Variants in COX17 observed in about 807,000 individuals in gnomAD.
COX17 encodes the protein cytochrome c oxidase copper chaperone.
COX17 carries 1 observed loss-of-function variant against 6.3 expected under a neutral mutation model. The ratio of observed to expected loss-of-function variants is 0.16; its 90% confidence interval spans 0.06 to 0.75. COX17 has a LOEUF of 0.75. Among genes scored for constraint, COX17 ranks in the 30% least tolerant of loss-of-function variants. The pLI is 0.77. For synonymous variants in COX17, 26 were observed against 30.5 expected (o/e 0.85, Z 0.49); for missense variants, 73 against 81.2 (o/e 0.90, Z 0.39).
chr3:119,674,795 CA>C (rs58394788), intron 2 of COX17: 61,754 of 134,154 alleles, frequency 0.46, 11,650 homozygotes, highest in Non-Finnish European at 0.49. Context: ...GACCCTGTCT[CA>C]AAAAAAAAAA....
intron 2 of COX17, among the ~76,000 whole-genome samples, chr3:119,672,340 A>G (rs1167179771): frequency 6.6e-6 from 1 of 152,248 alleles, no homozygotes; most frequent in Non-Finnish European, 1.5e-5. Context: ...CTGATAACAT[A>G]AAGAAAACTA....
At chr3:119,673,962 C>T (rs369548427) in intron 2 of COX17, among the ~76,000 whole-genome samples, 9 of 146,764 alleles carry the variant, frequency 6.1e-5, no homozygotes, top group African/African-American at 2.0e-4. Flanking sequence ...AAGTGAGGTG[C>T]CTCTCCGCCT....
chr3:119,677,110 A>G (rs538625306), intron 1 of COX17, 94 bp downstream of exon 1: 18 of 845,132 alleles, frequency 2.1e-5, no homozygotes, highest in Admixed American at 1.9e-4. Flanking sequence ...AGAGGGCAGA[A>G]GGCAGAGGGC....
intron 2 of COX17, among the ~76,000 whole-genome samples, chr3:119,672,854 A>C (rs528374249): frequency 6.6e-6 from 1 of 152,354 alleles, no homozygotes; most frequent in East Asian, 1.9e-4. Flanking sequence ...ATGATAAACT[A>C]AACATCAGGA....
chr3:119,664,094 C>T (rs1279172254), intron 3 of COX17, among the ~76,000 whole-genome samples: 2 of 152,234 alleles, frequency 1.3e-5, no homozygotes, highest in Non-Finnish European at 2.9e-5. Context: ...AACTTTCAGT[C>T]TATCCCGGAT....
chr3:119,675,931 C>G (rs1401565590), intron 1 of COX17, among the ~76,000 whole-genome samples: 1 of 152,198 alleles, frequency 6.6e-6, no homozygotes, highest in Non-Finnish European at 1.5e-5. Context: ...GTTCTCCTTC[C>G]ATGGAAACTC....
At chr3:119,669,217 A>C (rs909293569), downstream of COX17, 2 of 150,902 alleles carry the variant, frequency 1.3e-5, no homozygotes, top group Admixed American at 1.3e-4. Context: ...TTAAATAATA[A>C]GACTAAAGGC....
chr3:119,677,058 G>C lies in COX17; in HGVS notation c.107+146C>G, dbSNP rs1480231745. 25 of 577,802 alleles carry C rather than the reference G, an allele frequency of 4.3e-5. No homozygotes were observed. In the Admixed American group the frequency reaches 5.8e-4, roughly 13 times the overall value. The allele number at this position is 577,802 out of a possible 1,614,324, so 35.8% of individuals were successfully genotyped here. A position where few individuals can be genotyped will look rare whatever the true frequency, so the allele number is the denominator to read the frequency against. ...GGGCAGACAGGGAGGAGGAGTGGGG[G>C]AAGGGGGGAAGGAAGAGGGCAGAGG... On this transcript the variant is annotated intron_variant, in intron 1 of 2. Transcript: ENST00000261070.
At chr3:119,667,872 G>A (rs1409667377), downstream of COX17, among the ~76,000 whole-genome samples, 2 of 152,096 alleles carry the variant, frequency 1.3e-5, no homozygotes, top group Non-Finnish European at 2.9e-5. Flanking sequence ...TAGGTTATCT[G>A]ACATATATCC....
intron 1 of COX17, among the ~76,000 whole-genome samples, chr3:119,676,506 T>C (rs1464668994): frequency 6.6e-6 from 1 of 152,178 alleles, no homozygotes; most frequent in Non-Finnish European, 1.5e-5. Context: ...AACAAATCTT[T>C]TGTGGATTGA....
downstream of COX17, chr3:119,669,405 T>C (rs2053022503): frequency 6.6e-6 from 1 of 152,042 alleles, no homozygotes; most frequent in African/African-American, 2.4e-5. Context: ...ATATCCAGAG[T>C]TCCCAGAATG....
downstream of COX17, chr3:119,665,239 T>C (rs1389351762): frequency 4.6e-5 from 7 of 152,234 alleles, no homozygotes; most frequent in African/African-American, 2.4e-5. Flanking sequence ...CCCTGGTAGA[T>C]AGCAGGCCTA....
chr3:119,664,734 C>A (rs767579868), downstream of COX17, among the ~76,000 whole-genome samples: 1 of 152,160 alleles, frequency 6.6e-6, no homozygotes, highest in African/African-American at 2.4e-5. Context: ...AGCAATTTCA[C>A]AGAGAAACTA....
At chr3:119,675,264 T>C (rs757328643) in intron 1 of COX17, 31 bp from the exon 2 acceptor site, 1 of 1,463,914 alleles carries the variant, frequency 6.8e-7, no homozygotes, top group Non-Finnish European at 9.6e-7. Flanking sequence ...GTTATCTAAA[T>C]ATGCATTAAG....
chr3:119,676,708 A>C (rs1382479892), intron 1 of COX17: 1 of 618,730 alleles, frequency 1.6e-6, no homozygotes. Context: ...GTTTGGTCTT[A>C]ACAAATCTAT....
intron 2 of COX17, among the ~76,000 whole-genome samples, 173 bp from the exon 3 acceptor site, chr3:119,669,838 T>G (rs546210294): frequency 9.8e-4 from 149 of 152,286 alleles, no homozygotes; most frequent in Non-Finnish European, 1.5e-3. Flanking sequence ...AATTCTAGGT[T>G]TGCCTAACTA....
chr3:119,676,832 T>C (rs2053105142), intron 1 of COX17: 1 of 702,474 alleles, frequency 1.4e-6, no homozygotes. Context: ...CCTAACGCAG[T>C]GCTTAACCCA....
downstream of COX17, among the ~76,000 whole-genome samples, chr3:119,668,545 CT>C (rs35724558): frequency 1.6e-3 from 230 of 141,968 alleles, no homozygotes; most frequent in Admixed American, 2.8e-3. Flanking sequence ...ACTTCTATAC[CT>C]TTTTTTTTTT....
chr3:119,666,127 AG>A (rs5852217), downstream of COX17, among the ~76,000 whole-genome samples: 30,829 of 152,142 alleles, frequency 0.2, 3,345 homozygotes, highest in South Asian at 0.35. Context: ...GGATCTAAGC[AG>A]GGGTGGGATG....
Sources: allele counts gnomAD v4.1 joint callset (sites outside exome capture counted in the v4.1 genomes callset), GRCh38; gene constraint gnomAD v4.1.1; transcripts MANE v1.5; gene names NCBI Gene and HGNC (gene_info 2026-07-23, HGNC 2026-07-21).